SLC37A1: variants seen among roughly 807,000 people sequenced by gnomAD.
The protein encoded by SLC37A1 is solute carrier family 37 member 1.
In SLC37A1, 49 loss-of-function variants were observed where a neutral mutation model predicts 75.3. The ratio of observed to expected loss-of-function variants is 0.65; its 90% CI spans 0.52 to 0.83. The LOEUF is 0.83. Among genes scored for constraint, SLC37A1 ranks in the 40% least tolerant of loss-of-function variants. The pLI is 0.00. For missense variants in SLC37A1, 566 were observed against 695.0 expected (o/e 0.81, Z 2.09); for synonymous variants, 268 against 292.1 (o/e 0.92, Z 0.84).
rs780378552 is a variant in SLC37A1 at position 42,534,785 on chromosome 21, C to G, written c.226C>G (p.His76Asp). The change falls in exon 4 of 20, where the codon CAC (histidine) becomes GAC (aspartate). Residue 76 changes from histidine to aspartate, a missense_variant. His to Asp is a moderately conservative substitution (Grantham distance 81). Transcript: ENST00000352133. The stretch of plus-strand genomic sequence containing the variant: ...CAGGAAGTCTGGGTCCGCTGCCCCC[C>G]ACCAGCTCCCTGACAATGAGACCGA... ...QNRKSGSAAP[H>D]QLPDNETDCG... is the part of the protein sequence containing the mutation. The G allele has an allele frequency of 1.9e-6, 3 of 1,613,884 alleles. No homozygotes were observed. Among genetic ancestry groups the G allele is most frequent in the East Asian group, 4.5e-5 (2 of 44,890 alleles).
At chr21:42,522,329 G>A (rs767702043) in intron 2 of SLC37A1, among the ~76,000 whole-genome samples, 36 of 152,182 alleles carry the variant, frequency 2.4e-4, no homozygotes, top group Non-Finnish European at 3.2e-4. Flanking sequence ...TAAAGAAAAC[G>A]TAGATAGAAT....
intron 7 of SLC37A1, 107 bp from the exon 8 acceptor site, chr21:42,543,329 G>T: frequency 6.8e-6 from 9 of 1,314,930 alleles, no homozygotes; most frequent in Non-Finnish European, 9.8e-6. Context: ...GCCCCCCGTT[G>T]ATTCTGCGCC....
chr21:42,580,328 T>A lies in SLC37A1; in HGVS notation c.1587-17T>A. Reference sequence around the variant, plus strand: ...TGCTGGCTGTTAGAGCAGCTCTTCTTTCAACCTTTCTTTCAGATTTAAGGA... The same window carrying A: ...TGCTGGCTGTTAGAGCAGCTCTTCTATCAACCTTTCTTTCAGATTTAAGGA... On this transcript the variant is annotated splice_polypyrimidine_tract_variant and intron_variant, in intron 19 of 19. Coordinates refer to ENST00000352133, the MANE Select transcript of SLC37A1 (RefSeq NM_001320537.2). The A allele has an allele frequency of 6.2e-7, 1 of 1,611,924 alleles. No individual in the cohort carries two copies.
chr21:42,563,047 C>A (rs1432785215), intron 12 of SLC37A1, among the ~76,000 whole-genome samples: 5 of 152,044 alleles, frequency 3.3e-5, no homozygotes, highest in African/African-American at 1.2e-4. Flanking sequence ...GGGGACTGTC[C>A]CACAGCCTAG....
At chr21:42,530,656 C>CACA (rs1568997149) in intron 3 of SLC37A1, among the ~76,000 whole-genome samples, 584 of 23,428 alleles carry the variant, frequency 0.025, 23 homozygotes, top group African/African-American at 0.038. Context: ...ACACACACAC[C>CACA]CCCTCTGTGT....
chr21:42,556,326 C>T (rs1418010994), intron 10 of SLC37A1, among the ~76,000 whole-genome samples: 1 of 152,212 alleles, frequency 6.6e-6, no homozygotes. Context: ...GCCCACCAAA[C>T]GCGGCGTGAG....
intron 3 of SLC37A1, among the ~76,000 whole-genome samples, chr21:42,526,736 C>T (rs1042463845): frequency 6.6e-6 from 1 of 152,186 alleles, no homozygotes; most frequent in South Asian, 2.1e-4. Flanking sequence ...TTCATTTACC[C>T]AAAAGATTCT....
At position 42,552,502 on chromosome 21, in the gene SLC37A1, A is replaced by G. The variant is rs566394915; in HGVS notation, c.769-1560A>G. Among the ~76,000 whole-genome samples, 18 of 152,312 alleles carry G rather than the reference A, an allele frequency of 1.2e-4. No individual in the cohort carries two copies. In the South Asian group the frequency reaches 3.1e-3, roughly 26 times the overall value. ...TTCCCCTGTGCATGGCTTCATGCCA[A>G]AGGTGATATATTCCAACCAATTAGA... On this transcript the variant is annotated intron_variant, in intron 9 of 19. Transcript: ENST00000352133. The surrounding 1 kb of genome is among the most constrained non-coding windows in gnomAD (Gnocchi z 4.2).
chr21:42,507,353 G>A (rs1184031744), intron 2 of SLC37A1, among the ~76,000 whole-genome samples: 1 of 152,212 alleles, frequency 6.6e-6, no homozygotes, highest in African/African-American at 2.4e-5. Flanking sequence ...GCCACAGTGA[G>A]TGCTGAGGTC....
intron 1 of SLC37A1, among the ~76,000 whole-genome samples, chr21:42,501,021 CAGTT>C (rs1283535361): frequency 1.3e-5 from 2 of 152,182 alleles, no homozygotes; most frequent in Non-Finnish European, 2.9e-5. Flanking sequence ...GTAGGGAAAA[CAGTT>C]TAGTGGACAC....
intron 3 of SLC37A1, among the ~76,000 whole-genome samples, chr21:42,533,638 C>T (rs991870188): frequency 2.0e-5 from 3 of 152,120 alleles, no homozygotes; most frequent in Admixed American, 1.3e-4. Flanking sequence ...CACTCAGGCC[C>T]CTCTGCCTCC....
intron 1 of SLC37A1, among the ~76,000 whole-genome samples, 199 bp from the exon 2 acceptor site, chr21:42,518,078 C>T (rs1308366918): frequency 1.3e-5 from 2 of 152,240 alleles, no homozygotes; most frequent in Non-Finnish European, 1.5e-5. Flanking sequence ...TCAGAACAAA[C>T]CGCCTCAAGG....
intron 7 of SLC37A1, 43 bp downstream of exon 7, chr21:42,542,523 G>C: frequency 6.3e-7 from 1 of 1,593,270 alleles, no homozygotes; most frequent in Non-Finnish European, 8.6e-7. Flanking sequence ...ATGAAAACTA[G>C]ACCATTTTAC....
intron 2 of SLC37A1, among the ~76,000 whole-genome samples, chr21:42,506,654 C>T (rs1664830279): frequency 6.6e-6 from 1 of 152,188 alleles, no homozygotes; most frequent in Admixed American, 6.5e-5. Context: ...TTCATCCATA[C>T]ATCAACCCCA....
intron 2 of SLC37A1, among the ~76,000 whole-genome samples, chr21:42,507,119 G>T (rs1489897942): frequency 1.3e-5 from 2 of 152,080 alleles, no homozygotes; most frequent in East Asian, 3.9e-4. Flanking sequence ...GTGAGCTCAG[G>T]CAATCCACTT....
chr21:42,510,248 G>A (rs1255050984), upstream of SLC37A1, among the ~76,000 whole-genome samples: 1 of 152,096 alleles, frequency 6.6e-6, no homozygotes, highest in East Asian at 1.9e-4. Context: ...GGATAGTCTC[G>A]ATCTCCTGAC....
chr21:42,563,447 C>G (rs939476694), intron 12 of SLC37A1, among the ~76,000 whole-genome samples: 11 of 147,744 alleles, frequency 7.4e-5, no homozygotes, highest in African/African-American at 2.3e-4. Flanking sequence ...TGCCGGGAGG[C>G]CTCTGTGTCC....
chr21:42,542,569 A>G, intron 7 of SLC37A1, 89 bp downstream of exon 7: 1 of 1,246,726 alleles, frequency 8.0e-7, no homozygotes, highest in Non-Finnish European at 1.2e-6. Context: ...CAGCAAAAAC[A>G]CTTTAGTATC....
chr21:42,566,558 A>G (rs2055982670), intron 15 of SLC37A1, among the ~76,000 whole-genome samples: 1 of 151,914 alleles, frequency 6.6e-6, no homozygotes, highest in South Asian at 2.1e-4. Flanking sequence ...CAGGAGAGGA[A>G]GCGGAATTTC....
Sources: gnomAD v4.1 joint callset for allele counts (sites outside exome capture counted in the v4.1 genomes callset) on GRCh38, gnomAD v4.1.1 for gene constraint, Gnocchi (gnomAD v3.1) non-coding constraint, MANE v1.5 for transcripts, NCBI Gene and HGNC (gene_info 2026-07-23, HGNC 2026-07-21) for gene names.